The following UBE2J2 variants were observed in gnomAD, a reference collection of about 807,000 sequenced individuals.
UBE2J2 encodes ubiquitin conjugating enzyme E2 J2, also known as ubiquitin-conjugating enzyme E2 J2.
Under a neutral mutation model 28.6 loss-of-function variants are expected in UBE2J2, and 5 were observed. The ratio of observed to expected loss-of-function variants is 0.17; its 90% CI spans 0.09 to 0.37. UBE2J2 has a LOEUF of 0.37. UBE2J2 is among the 10% of genes least tolerant of loss of function. UBE2J2 has a pLI of 1.00. For synonymous variants in UBE2J2, 138 were observed against 139.7 expected (o/e 0.99, Z 0.09); for missense variants, 226 against 338.9 (o/e 0.67, Z 2.62).
chr1:1,257,970 T>C (rs927342588), intron 3 of UBE2J2, among the ~76,000 whole-genome samples: 5 of 151,784 alleles, frequency 3.3e-5, no homozygotes, highest in Admixed American at 1.3e-4. Context: ...CCAGGCTTTC[T>C]CCCTGCTCTA....
In UBE2J2 at chr1:1,255,149, C is replaced by A; in HGVS notation, c.*54G>T. 6.6e-7 allele frequency: 1 copy of A among 1,518,986 alleles called. No homozygotes were observed. Among genetic ancestry groups the A allele is most frequent in the South Asian group, 1.3e-5 (1 of 77,182 alleles). The allele number at this position is 1,518,986 out of a possible 1,614,324, so 94.1% of individuals were successfully genotyped here. On this transcript the variant is annotated 3_prime_UTR_variant, in exon 7 of 7. Coordinates refer to ENST00000349431, the MANE Select transcript of UBE2J2 (RefSeq NM_058167.3). ...GGCAGTGTGTCCAGCCTGCCGAGGT[C>A]ACGCTCTGGTGCGCGGTGCCCTCAG... is the stretch of plus-strand genomic sequence containing the variant.
chr1:1,264,931 A>T (rs1639760209), intron 2 of UBE2J2: 1 of 153,622 alleles, frequency 6.5e-6, no homozygotes, highest in Non-Finnish European at 1.5e-5. Context: ...GATGACGTAT[A>T]GTAATGTATA....
At chr1:1,255,510 A>T in intron 6 of UBE2J2, 23 bp from the exon 7 acceptor site, 1 of 1,595,348 alleles carries the variant, frequency 6.3e-7, no homozygotes, top group Non-Finnish European at 8.6e-7. Flanking sequence ...CAGCGAGAAA[A>T]GCAGCTGGTC....
At position 1,267,855 on chromosome 1, in the gene UBE2J2, G is replaced by C; in HGVS notation, c.131+7C>G. ...AGCGCAGGGCGATCAGTGGCGCGGA[G>C]CCTTACCACTCGAGAATATTCGAAG... is the stretch of plus-strand genomic sequence containing the variant. On this transcript the variant is annotated splice_region_variant and intron_variant, in intron 2 of 6. Coordinates refer to ENST00000349431, the MANE Select transcript of UBE2J2 (RefSeq NM_058167.3). The C allele has an allele frequency of 1.2e-6, 2 of 1,613,718 alleles. No homozygotes were observed. The highest frequency in any genetic ancestry group is 1.7e-5 in the Admixed American group (1 of 60,020).
rs964888009 is a variant in UBE2J2 at position 1,268,855 on chromosome 1, T to C, written c.1-863A>G. Among the ~76,000 whole-genome samples, 25 of 151,458 alleles carry C rather than the reference T, an allele frequency of 1.7e-4. No homozygotes were observed. The highest frequency in any genetic ancestry group is 6.1e-4 in the African/African-American group (25 of 40,818). Reference sequence around the variant, plus strand: ...ACCACGCCTAGCTAATTTTTTTTTTTTTGTAGAGCTGGGATCTCACTATGT... The same window carrying C: ...ACCACGCCTAGCTAATTTTTTTTTTCTTGTAGAGCTGGGATCTCACTATGT... On this transcript the variant is annotated intron_variant, in intron 1 of 6. Transcript: ENST00000349431. The surrounding 1 kb of genome is among the most constrained non-coding windows in gnomAD (Gnocchi z 4.7).
At chr1:1,256,510 G>T (rs1029773017) in intron 5 of UBE2J2, among the ~76,000 whole-genome samples, 2 of 152,212 alleles carry the variant, frequency 1.3e-5, no homozygotes, top group Non-Finnish European at 2.9e-5. Context: ...CGGGGAACAC[G>T]AGGCCACAGA....
At chr1:1,264,370 C>G (rs1639728933) in intron 2 of UBE2J2, among the ~76,000 whole-genome samples, 1 of 152,242 alleles carries the variant, frequency 6.6e-6, no homozygotes, top group African/African-American at 2.4e-5. Flanking sequence ...GAAAGTAAAA[C>G]CAGCTAGAAA....
chr1:1,255,785 C>T (rs759409682), intron 6 of UBE2J2, among the ~76,000 whole-genome samples: 12 of 152,224 alleles, frequency 7.9e-5, no homozygotes, highest in Non-Finnish European at 1.6e-4. Context: ...TCCCCAGACA[C>T]CACCCAGCTG....
At position 1,267,385 on chromosome 1, in the gene UBE2J2, T is replaced by C. The variant is rs867205709; in HGVS notation, c.131+477A>G. Among the ~76,000 whole-genome samples the C allele has an allele frequency of 2.4e-4, 37 of 151,824 alleles. 1 individual carries two copies. The highest frequency in any genetic ancestry group is 5.2e-4 in the Admixed American group (8 of 15,248). On this transcript the variant is annotated intron_variant, in intron 2 of 6. Coordinates refer to ENST00000349431, the MANE Select transcript of UBE2J2 (RefSeq NM_058167.3). The stretch of plus-strand genomic sequence containing the variant: ...CCCAAGCCAGTGCCAGGGACAGGAG[T>C]GTCGGACCCTAGTCCTGTCAAATAC...
chr1:1,259,149 C>T (rs1007578391), intron 3 of UBE2J2, among the ~76,000 whole-genome samples: 1 of 139,368 alleles, frequency 7.2e-6, no homozygotes, highest in African/African-American at 2.8e-5. Flanking sequence ...CATCAGGACG[C>T]GTGTGTGCGT....
chr1:1,269,660 C>T (rs1249501735), intron 1 of UBE2J2, among the ~76,000 whole-genome samples: 1 of 152,104 alleles, frequency 6.6e-6, no homozygotes, highest in African/African-American at 2.4e-5. Context: ...GACGGGGTTT[C>T]ACCATGTTGG....
intron 3 of UBE2J2, among the ~76,000 whole-genome samples, chr1:1,259,142 C>A (rs560595797): frequency 2.9e-5 from 4 of 138,794 alleles, no homozygotes; most frequent in African/African-American, 1.1e-4. Flanking sequence ...TGCATGCCAT[C>A]AGGACGCGTG....
At position 1,273,671 on chromosome 1, in the gene UBE2J2, C is replaced by G. The variant is rs1217492034; in HGVS notation, c.-6G>C. Reference sequence around the variant, plus strand: ...AGGCCTGCGAGCGCGCTCACCTCTCCCTGTCGCTGCGCGTGGGCCGCCGCC... The same window carrying G: ...AGGCCTGCGAGCGCGCTCACCTCTCGCTGTCGCTGCGCGTGGGCCGCCGCC... On this transcript the variant is annotated 5_prime_UTR_variant, in exon 1 of 7. Transcript: ENST00000349431. The G allele has an allele frequency of 2.0e-5, 3 of 152,312 alleles. No individual in the cohort carries two copies. The highest frequency in any genetic ancestry group is 7.2e-5 in the African/African-American group (3 of 41,412). 9.4% of individuals were successfully genotyped at this position (152,312 alleles called of 1,614,324 possible). A position where few individuals can be genotyped will look rare whatever the true frequency, so the allele number is the denominator to read the frequency against.
chr1:1,267,701 A>C, intron 2 of UBE2J2, 161 bp downstream of exon 2: 1 of 1,464,480 alleles, frequency 6.8e-7, no homozygotes, highest in Non-Finnish European at 9.0e-7. Flanking sequence ...AAGACCAGAG[A>C]GTGTCCACAG....
rs1485840094 is a variant in UBE2J2, at chr1:1,268,696, TTTA to T, written c.1-707_1-705del. On this transcript the variant is annotated intron_variant, in intron 1 of 6. Transcript: ENST00000349431. This position sits in a 1 kb window ranked among gnomAD's most constrained non-coding sequence, Gnocchi z 4.7. ...GGGAGGCAGGGCCAGGGCATAAGAG[TTTA>T]TTTACTTATTTTTCGTGAGACAGGG... is the stretch of plus-strand genomic sequence containing the variant. 6.6e-6 allele frequency among the ~76,000 whole-genome samples: 1 copy of T among 151,498 alleles called. No individual in the cohort carries two copies. Among genetic ancestry groups the T allele is most frequent in the Non-Finnish European group, 1.5e-5 (1 of 67,842 alleles).
At chr1:1,273,283 G>A (rs942690270) in intron 1 of UBE2J2, 1 of 152,236 alleles carries the variant, frequency 6.6e-6, no homozygotes, top group African/African-American at 2.4e-5. Flanking sequence ...GGGGTTTACG[G>A]GGCAGTCTGG....
In UBE2J2 at chr1:1,272,040, G is replaced by A. The variant is rs182923287; in HGVS notation, c.-1+1626C>T. Among the ~76,000 whole-genome samples, 45 of 145,998 alleles carry A rather than the reference G, an allele frequency of 3.1e-4. 1 individual carries two copies. In the East Asian group the frequency reaches 9.3e-3, roughly 30 times the overall value. The stretch of plus-strand genomic sequence containing the variant: ...GTGGTGGTGGGCACCTGCAATCCCA[G>A]CTACTCTGGAGGCTGAGGTGGGAGA... On this transcript the variant is annotated intron_variant, in intron 1 of 6. Transcript: ENST00000349431.
Position 1,268,078 on chromosome 1 carries a change from C to A in UBE2J2, c.1-86G>T. On this transcript the variant is annotated intron_variant, in intron 1 of 6. Coordinates refer to ENST00000349431, the MANE Select transcript of UBE2J2 (RefSeq NM_058167.3). The surrounding 1 kb of genome is among the most constrained non-coding windows in gnomAD (Gnocchi z 4.7). ...TGGCGCAGCCCCACTCCCGCCTCTG[C>A]AGCCCGCCATTCATTCAGGGCCCGG... 6.4e-7 allele frequency: 1 copy of A among 1,557,344 alleles called. No homozygotes were observed. Among genetic ancestry groups the A allele is most frequent in the Non-Finnish European group, 8.8e-7 (1 of 1,140,344 alleles).
chr1:1,255,120 G>A lies in UBE2J2; in HGVS notation c.*83C>T. The A allele has an allele frequency of 7.0e-7, 1 of 1,418,918 alleles. No homozygotes were observed. Among genetic ancestry groups the A allele is most frequent in the Non-Finnish European group, 9.5e-7 (1 of 1,058,176 alleles). The allele number at this position is 1,418,918 out of a possible 1,614,324, so 87.9% of individuals were successfully genotyped here. A position where few individuals can be genotyped will look rare whatever the true frequency, so the allele number is the denominator to read the frequency against. On this transcript the variant is annotated 3_prime_UTR_variant, in exon 7 of 7. Coordinates refer to ENST00000349431, the MANE Select transcript of UBE2J2 (RefSeq NM_058167.3). The stretch of plus-strand genomic sequence containing the variant: ...CTAGGAGCCTGGTGGGTCTGCCTGT[G>A]CTGGGCAGTGTGTCCAGCCTGCCGA...
Sources: gnomAD v4.1 joint callset for allele counts (sites outside exome capture counted in the v4.1 genomes callset) on GRCh38, gnomAD v4.1.1 for gene constraint, Gnocchi (gnomAD v3.1) non-coding constraint, MANE v1.5 for transcripts, NCBI Gene and HGNC (gene_info 2026-07-23, HGNC 2026-07-21) for gene names.